CCDC170: variants seen among roughly 807,000 people sequenced by gnomAD.
CCDC170 encodes the protein coiled-coil domain-containing protein 170.
A neutral mutation model predicts 72.6 loss-of-function variants in CCDC170; 69 were observed. The ratio of observed to expected loss-of-function variants is 0.95; its 90% CI spans 0.78 to 1.16. The LOEUF is 1.16. Ranked by LOEUF, CCDC170 falls within the 50% of genes most tolerant of loss-of-function variation. The pLI, the probability that CCDC170 is intolerant of heterozygous loss-of-function variation, is 0.00. For missense variants in CCDC170, 852 were observed against 832.5 expected, an observed-to-expected ratio of 1.02 and a Z score of -0.29; for synonymous variants, 300 against 303.9, an observed-to-expected ratio of 0.99 and a Z score of 0.13.
chr6:151,603,447 G>A (rs1007324348), intron 9 of CCDC170, among the ~76,000 whole-genome samples: 11 of 152,096 alleles, frequency 7.2e-5, no homozygotes, highest in African/African-American at 2.7e-4. Flanking sequence ...TATTAGCCCA[G>A]GATAACTACT....
chr6:151,573,185 T>A lies in CCDC170; in HGVS notation c.786T>A (p.Ser262Arg). Residue 262 changes from serine (S) to arginine (R), a missense_variant, in exon 6 of 11, where the codon AGT (serine) becomes AGA (arginine). Transcript: ENST00000239374. ...TGTAATCATTTTAGGACCTGCTCAGTGCTGTAGAAGCAAAAGAAGCTCTTG... is the reference window on the plus strand; with the variant it reads ...TGTAATCATTTTAGGACCTGCTCAGAGCTGTAGAAGCAAAAGAAGCTCTTG... The part of the protein sequence containing the change: ...EKEKLNQDLL[S>R]AVEAKEALER... 1 of 1,613,408 alleles carries A rather than the reference T, an allele frequency of 6.2e-7. No homozygotes were observed. Among genetic ancestry groups the A allele is most frequent in the Non-Finnish European group, 8.5e-7 (1 of 1,179,852 alleles).
Position 151,620,196 on chromosome 6 carries a change from A to AC in CCDC170, c.*2049_*2050insC, listed in dbSNP as rs1181850763. The AC allele has an allele frequency of 1.3e-5, 2 of 150,456 alleles. No homozygotes were observed. Among genetic ancestry groups the AC allele is most frequent in the Admixed American group, 6.6e-5 (1 of 15,080 alleles). The allele number at this position is 150,456 out of a possible 1,614,324, so 9.3% of individuals were successfully genotyped here. On this transcript the variant is annotated 3_prime_UTR_variant, in exon 11 of 11. Coordinates refer to ENST00000239374, the MANE Select transcript of CCDC170 (RefSeq NM_025059.4). ...ATGTAGAATGGATGATTCCAAAAAA[A>AC]AAAAAAAAAAGAAGAAAGAGAGAAA...
chr6:151,568,397 T>C (rs1159900425), intron 5 of CCDC170, among the ~76,000 whole-genome samples: 1 of 152,186 alleles, frequency 6.6e-6, no homozygotes, highest in Admixed American at 6.5e-5. Flanking sequence ...CTAAATACTT[T>C]ACTTTTGTGA....
chr6:151,561,526 TA>T (rs1467137108), intron 5 of CCDC170, among the ~76,000 whole-genome samples: 3 of 152,128 alleles, frequency 2.0e-5, no homozygotes, highest in African/African-American at 7.2e-5. Flanking sequence ...TTTAGGAGGC[TA>T]AAAATAGGAC....
At chr6:151,612,926 A>G (rs77374511) in intron 9 of CCDC170, among the ~76,000 whole-genome samples, 2,276 of 146,974 alleles carry the variant, frequency 0.015, 29 homozygotes, top group East Asian at 0.023. Context: ...AGGAAGCGCA[A>G]GACTAAATTC....
At chr6:151,501,399 T>C (rs1781992440) in intron 1 of CCDC170, among the ~76,000 whole-genome samples, 1 of 152,256 alleles carries the variant, frequency 6.6e-6, no homozygotes, top group Non-Finnish European at 1.5e-5. Flanking sequence ...TTGGTTTTAA[T>C]AGATTACCTT....
chr6:151,588,089 C>T (rs986530962), intron 7 of CCDC170, among the ~76,000 whole-genome samples: 1 of 152,102 alleles, frequency 6.6e-6, no homozygotes, highest in Non-Finnish European at 1.5e-5. Flanking sequence ...TAGGAATGAT[C>T]GAGATGGGTC....
chr6:151,533,271 G>A (rs1281854229), intron 1 of CCDC170, among the ~76,000 whole-genome samples: 1 of 151,602 alleles, frequency 6.6e-6, no homozygotes, highest in East Asian at 2.0e-4. Context: ...AGCCAGGATG[G>A]TCTCGATCTC....
intron 4 of CCDC170, among the ~76,000 whole-genome samples, chr6:151,547,405 A>G (rs1478962953): frequency 6.6e-6 from 1 of 152,172 alleles, no homozygotes; most frequent in Admixed American, 6.5e-5. Context: ...GGATGCAGGG[A>G]TAGAGAGGGA....
chr6:151,529,802 C>T (rs543321420), intron 1 of CCDC170, among the ~76,000 whole-genome samples: 13 of 152,214 alleles, frequency 8.5e-5, no homozygotes, highest in African/African-American at 2.9e-4. Context: ...AACAGAATAC[C>T]ACAGACTGAG....
chr6:151,550,132 C>A (rs575020498), intron 5 of CCDC170, among the ~76,000 whole-genome samples: 12 of 152,264 alleles, frequency 7.9e-5, no homozygotes, highest in African/African-American at 2.9e-4. Context: ...ATTGTATAAT[C>A]CCTTAACTAT....
chr6:151,501,867 G>C lies in CCDC170; in HGVS notation c.57+7682G>C, dbSNP rs370793679. Among the ~76,000 whole-genome samples, 29 of 152,210 alleles carry C rather than the reference G, an allele frequency of 1.9e-4. No individual in the cohort carries two copies. The South Asian group carries it at 6.0e-3, about 32-fold the overall frequency. On this transcript the variant is annotated intron_variant, in intron 1 of 10. Coordinates refer to ENST00000239374, the MANE Select transcript of CCDC170 (RefSeq NM_025059.4). ...CTTGATTTTTTTTAATTGAAAAAGGGAGTAACATTTGCTGAGCCAGGAATT... is the reference window on the plus strand; with the variant it reads ...CTTGATTTTTTTTAATTGAAAAAGGCAGTAACATTTGCTGAGCCAGGAATT...
chr6:151,548,986 G>A (rs568779611), intron 5 of CCDC170, among the ~76,000 whole-genome samples: 6 of 152,064 alleles, frequency 3.9e-5, no homozygotes, highest in African/African-American at 9.6e-5. Context: ...CTGAAGCTCC[G>A]CCACCCTGGT....
chr6:151,545,432 C>A (rs871415), intron 4 of CCDC170, among the ~76,000 whole-genome samples: 109,393 of 151,808 alleles, frequency 0.72, 39,565 homozygotes, highest in Admixed American at 0.76. Flanking sequence ...CAAAACAAAA[C>A]AAAATAGCAA....
Position 151,495,530 on chromosome 6 carries a change from C to T in CCDC170, c.57+1345C>T, listed in dbSNP as rs529289233. Among the ~76,000 whole-genome samples the T allele has an allele frequency of 2.4e-3, 370 of 152,050 alleles. 1 individual carries two copies. The highest frequency in any genetic ancestry group is 7.9e-3 in the African/African-American group (329 of 41,486). On this transcript the variant is annotated intron_variant, in intron 1 of 10. Coordinates refer to ENST00000239374, the MANE Select transcript of CCDC170 (RefSeq NM_025059.4). ...TTCTTTTTTTCAGACAGGGTCTCAC[C>T]TTGTTACCCAGGCTCGAGTGCAGTG...
At chr6:151,551,276 G>T (rs1782874015) in intron 5 of CCDC170, among the ~76,000 whole-genome samples, 1 of 152,010 alleles carries the variant, frequency 6.6e-6, no homozygotes, top group Non-Finnish European at 1.5e-5. Flanking sequence ...CATAAGTATT[G>T]CCTCTAACTA....
At chr6:151,537,196 G>A (rs1193977716) in intron 2 of CCDC170, among the ~76,000 whole-genome samples, 1 of 152,164 alleles carries the variant, frequency 6.6e-6, no homozygotes, top group Non-Finnish European at 1.5e-5. Context: ...TACCCTGTAG[G>A]CTAGCTCGGG....
At chr6:151,537,762 T>C (rs1782613242) in intron 2 of CCDC170, among the ~76,000 whole-genome samples, 1 of 152,192 alleles carries the variant, frequency 6.6e-6, no homozygotes, top group Admixed American at 6.5e-5. Context: ...CATTGCAAAA[T>C]ATTTTATTGC....
intron 9 of CCDC170, among the ~76,000 whole-genome samples, chr6:151,611,932 A>G (rs1776878862): frequency 6.6e-6 from 1 of 152,006 alleles, no homozygotes; most frequent in Non-Finnish European, 1.5e-5. Flanking sequence ...GCTGGTCTCG[A>G]ACTCCTGACC....
Sources: allele counts gnomAD v4.1 joint callset (sites outside exome capture counted in the v4.1 genomes callset), GRCh38; gene constraint gnomAD v4.1.1; transcripts MANE v1.5; gene names NCBI Gene and HGNC (gene_info 2026-07-23, HGNC 2026-07-21).